Variants in HCN1 observed in about 807,000 individuals in gnomAD.
HCN1 encodes potassium/sodium hyperpolarization-activated cyclic nucleotide-gated channel 1.
A neutral mutation model predicts 78.9 loss-of-function variants in HCN1; 13 were observed. The ratio of observed to expected loss-of-function variants is 0.16; its 90% CI spans 0.11 to 0.26. The LOEUF (loss-of-function observed/expected upper bound fraction) is 0.26, where lower values mean the gene tolerates loss of function less well. Ranked by LOEUF, HCN1 falls within the 10% of genes least tolerant of loss-of-function variation. The pLI is 1.00. For missense variants in HCN1, 810 were observed against 1,154.3 expected (o/e 0.70, Z 4.32); for synonymous variants, 552 against 455.5 (o/e 1.21, Z -2.70).
At chr5:45,547,693 T>C (rs1743257822) in intron 2 of HCN1, among the ~76,000 whole-genome samples, 1 of 151,960 alleles carries the variant, frequency 6.6e-6, no homozygotes, top group Non-Finnish European at 1.5e-5. Context: ...TAGGTTCTGA[T>C]ACTGTGTGTC....
chr5:45,380,353 A>T (rs1747780351), intron 4 of HCN1, among the ~76,000 whole-genome samples: 1 of 152,076 alleles, frequency 6.6e-6, no homozygotes, highest in Non-Finnish European at 1.5e-5. Context: ...ATACCAACAA[A>T]ATGGGAATTA....
At chr5:45,558,098 T>C (rs543516101) in intron 2 of HCN1, 3 of 149,074 alleles carry the variant, frequency 2.0e-5, no homozygotes, top group East Asian at 2.0e-4. Context: ...CCTTGAAGGA[T>C]ATCAAAAACT....
chr5:45,302,291 C>T (rs1221607182), intron 6 of HCN1, among the ~76,000 whole-genome samples: 2 of 152,038 alleles, frequency 1.3e-5, no homozygotes, highest in Non-Finnish European at 2.9e-5. Flanking sequence ...TTCCCCTGTG[C>T]TTTCTCTCTC....
chr5:45,582,622 GT>G (rs1744105563), intron 2 of HCN1, among the ~76,000 whole-genome samples: 1 of 152,252 alleles, frequency 6.6e-6, no homozygotes, highest in Admixed American at 6.5e-5. Flanking sequence ...AATACTTCCA[GT>G]TTTTGCCCAT....
chr5:45,346,767 A>G (rs928812069), intron 5 of HCN1, among the ~76,000 whole-genome samples: 1 of 152,206 alleles, frequency 6.6e-6, no homozygotes, highest in African/African-American at 2.4e-5. Flanking sequence ...GATTGCTAGC[A>G]CAGCAATCTG....
chr5:45,303,292 C>G (rs1177039445), intron 6 of HCN1, among the ~76,000 whole-genome samples: 1 of 152,046 alleles, frequency 6.6e-6, no homozygotes, highest in East Asian at 1.9e-4. Flanking sequence ...AAAAACGAAA[C>G]AAAACATGTT....
chr5:45,599,227 C>T (rs1388873837), intron 2 of HCN1, among the ~76,000 whole-genome samples: 3 of 151,998 alleles, frequency 2.0e-5, no homozygotes, highest in East Asian at 3.9e-4. Context: ...TACTATGCAG[C>T]CATAAAAAAG....
chr5:45,386,335 T>A (rs1181303039), intron 4 of HCN1, among the ~76,000 whole-genome samples: 2 of 151,974 alleles, frequency 1.3e-5, no homozygotes, highest in African/African-American at 4.8e-5. Context: ...GCCATCATGT[T>A]CATCTAATTT....
intron 2 of HCN1, among the ~76,000 whole-genome samples, chr5:45,488,284 T>C (rs1741809957): frequency 6.6e-6 from 1 of 152,294 alleles, no homozygotes; most frequent in South Asian, 2.1e-4. Flanking sequence ...CTTTTGATTA[T>C]GCTTATTTCT....
chr5:45,592,859 A>C (rs1467932800), intron 2 of HCN1, among the ~76,000 whole-genome samples: 1 of 152,204 alleles, frequency 6.6e-6, no homozygotes, highest in Non-Finnish European at 1.5e-5. Context: ...AGCAATGAAA[A>C]GTTATCTTAT....
At chr5:45,507,373 C>T (rs571960606) in intron 2 of HCN1, among the ~76,000 whole-genome samples, 12 of 152,194 alleles carry the variant, frequency 7.9e-5, no homozygotes, top group Non-Finnish European at 1.8e-4. Flanking sequence ...CTCCCTCCAT[C>T]TGGCCTTAGT....
chr5:45,389,202 C>G (rs911993080), intron 4 of HCN1, among the ~76,000 whole-genome samples: 10 of 152,100 alleles, frequency 6.6e-5, no homozygotes, highest in Non-Finnish European at 1.0e-4. Context: ...GCTACACTTT[C>G]TATCTGTCTG....
In HCN1 at chr5:45,340,217, G is replaced by A. The variant is rs117543014; in HGVS notation, c.1377+12883C>T. On this transcript the variant is annotated intron_variant, in intron 5 of 7. Coordinates refer to ENST00000303230, the MANE Select transcript of HCN1 (RefSeq NM_021072.4). Reference sequence around the variant, plus strand: ...ATTACAGGCATGAGCCACCATGTCCGGCTGGGAAGAATAGTTAATAAAACA... The same window carrying A: ...ATTACAGGCATGAGCCACCATGTCCAGCTGGGAAGAATAGTTAATAAAACA... Among the ~76,000 whole-genome samples, 57 of 152,244 alleles carry A rather than the reference G, an allele frequency of 3.7e-4. No homozygotes were observed. The East Asian group carries it at 9.1e-3, about 24-fold the overall frequency.
intron 5 of HCN1, among the ~76,000 whole-genome samples, chr5:45,338,559 T>C (rs550026269): frequency 6.6e-6 from 1 of 152,298 alleles, no homozygotes; most frequent in African/African-American, 2.4e-5. Context: ...AGTTCACTCA[T>C]TTAGCATTTA....
At chr5:45,487,405 T>G (rs1198450720) in intron 2 of HCN1, among the ~76,000 whole-genome samples, 1 of 152,082 alleles carries the variant, frequency 6.6e-6, no homozygotes, top group Admixed American at 6.6e-5. Flanking sequence ...AGAGCGGCAT[T>G]GTACATTTAA....
intron 1 of HCN1, among the ~76,000 whole-genome samples, chr5:45,680,498 G>C (rs1293554275): frequency 6.6e-6 from 1 of 152,024 alleles, no homozygotes; most frequent in Non-Finnish European, 1.5e-5. Context: ...CTTCAGAAAA[G>C]AGGGAAAATC....
chr5:45,420,461 G>T (rs1740204436), intron 3 of HCN1, among the ~76,000 whole-genome samples: 2 of 152,142 alleles, frequency 1.3e-5, no homozygotes, highest in African/African-American at 4.8e-5. Context: ...AGGGGAATGT[G>T]TGCTTTTTCT....
At chr5:45,652,528 A>G (rs1745694028) in intron 1 of HCN1, among the ~76,000 whole-genome samples, 1 of 151,850 alleles carries the variant, frequency 6.6e-6, no homozygotes, top group African/African-American at 2.4e-5. Flanking sequence ...TTTAACTAAT[A>G]TGTTAAGGTA....
chr5:45,339,027 C>A (rs1310443559), intron 5 of HCN1, among the ~76,000 whole-genome samples: 1 of 152,108 alleles, frequency 6.6e-6, no homozygotes, highest in Non-Finnish European at 1.5e-5. Context: ...CATGGAGAAA[C>A]CCTGTTTTCA....
Sources: gnomAD v4.1 joint callset for allele counts (sites outside exome capture counted in the v4.1 genomes callset) on GRCh38, gnomAD v4.1.1 for gene constraint, MANE v1.5 for transcripts, NCBI Gene and HGNC (gene_info 2026-07-23, HGNC 2026-07-21) for gene names.